Variants in BRME1 observed in about 807,000 individuals in gnomAD.
BRME1 encodes BRCA2 and MEILB2-associating protein 1.
A neutral mutation model predicts 52.6 loss-of-function variants in BRME1; 31 were observed. The observed-to-expected ratio is 0.59, with a 90% CI of 0.44 to 0.80. BRME1 has a LOEUF of 0.80. BRME1 is among the 30% of genes least tolerant of loss of function. The pLI is 0.00. For synonymous variants in BRME1, 359 were observed against 353.6 expected, an observed-to-expected ratio of 1.02 and a Z score of -0.17; for missense variants, 804 against 860.3, an observed-to-expected ratio of 0.93 and a Z score of 0.82.
At position 13,905,777 on chromosome 19, in the gene BRME1, G is replaced by C. The variant is rs1970674197; in HGVS notation, c.-84C>G. The stretch of plus-strand genomic sequence containing the variant: ...TCAGAAACGAGCTCTGCCTGGATCA[G>C]TTGGGAATAAGTCGCTTGAATTATC... On this transcript the variant is annotated 5_prime_UTR_variant, in exon 1 of 9. Transcript: ENST00000586783. The C allele has an allele frequency of 6.6e-6, 1 of 152,226 alleles. No individual in the cohort carries two copies. The highest frequency in any genetic ancestry group is 1.5e-5 in the Non-Finnish European group (1 of 68,040). The allele number at this position is 152,226 out of a possible 1,614,324, so 9.4% of individuals were successfully genotyped here.
chr19:13,886,599 C>T (rs1020639438), intron 6 of BRME1, among the ~76,000 whole-genome samples: 4 of 152,172 alleles, frequency 2.6e-5, no homozygotes, highest in East Asian at 1.9e-4. Flanking sequence ...AGCTTCTAAG[C>T]GTCAATGGTG....
intron 2 of BRME1, 21 bp from the exon 3 acceptor site, chr19:13,895,567 G>T (rs746238593): frequency 1.2e-6 from 2 of 1,602,616 alleles, no homozygotes; most frequent in Non-Finnish European, 1.7e-6. Context: ...GACAGAGGAA[G>T]ATGAAGGGGT....
chr19:13,904,880 T>G lies in BRME1; in HGVS notation c.13A>C (p.Lys5Gln). 6.2e-7 allele frequency: 1 copy of G among 1,613,856 alleles called. No individual in the cohort carries two copies. Among genetic ancestry groups the G allele is most frequent in the Non-Finnish European group, 8.5e-7 (1 of 1,179,856 alleles). Residue 5 changes from lysine (K) to glutamine (Q), a missense_variant, in exon 2 of 9, where the codon AAG becomes CAG. Coordinates refer to ENST00000586783, the MANE Select transcript of BRME1 (RefSeq NM_001345843.2). ...AACGTACCTGAGGTCCGCAGCTTCTTCCTCTTAGTCATTTTATCTTCCCCT... is the reference window on the plus strand; with the variant it reads ...AACGTACCTGAGGTCCGCAGCTTCTGCCTCTTAGTCATTTTATCTTCCCCT... MTKR[K>Q]KLRTSGEGLC...
At chr19:13,889,016 C>T (rs1011238985) in intron 6 of BRME1, among the ~76,000 whole-genome samples, 172 bp downstream of exon 6, 7 of 151,346 alleles carry the variant, frequency 4.6e-5, no homozygotes, top group African/African-American at 1.5e-4. Context: ...GGAAAACCAC[C>T]GACTCCACAC....
rs1351692950 is a variant in BRME1, at chr19:13,895,510, G to A, written c.68C>T (p.Pro23Leu). The A allele has an allele frequency of 1.9e-6, 3 of 1,613,704 alleles. No homozygotes were observed. Among genetic ancestry groups the A allele is most frequent in the Non-Finnish European group, 2.5e-6 (3 of 1,179,870 alleles). Residue 23 changes from proline (P) to leucine (L), a missense_variant, in exon 3 of 9, where the codon CCA becomes CTA. Transcript: ENST00000586783. ...GTCCCCATAGAAGTCTCCTAGCCTT[G>A]GGTTCTTTAGGGGTTTTGGAGGACA... ...GLCPPKPLKN[P>L]RLGDFYGDPQ... is the part of the protein sequence containing the mutation.
chr19:13,885,418 GA>G (rs1487215275), intron 7 of BRME1: 1 of 153,404 alleles, frequency 6.5e-6, no homozygotes, highest in African/African-American at 2.4e-5. Flanking sequence ...TGGTGCGGGG[GA>G]GAGGGTGCCC....
chr19:13,886,835 G>A (rs937472271), intron 6 of BRME1, among the ~76,000 whole-genome samples: 6 of 151,314 alleles, frequency 4.0e-5, no homozygotes, highest in Admixed American at 1.3e-4. Flanking sequence ...ATGGTGGCAC[G>A]CACCTGTGGT....
intron 2 of BRME1, among the ~76,000 whole-genome samples, chr19:13,902,355 T>C (rs8103895): frequency 0.34 from 51,797 of 151,816 alleles, 11,970 homozygotes; most frequent in African/African-American, 0.66. Flanking sequence ...AAGTCTGAGC[T>C]GGGCGCGCTG....
chr19:13,882,935 G>A lies in BRME1; in HGVS notation c.1874C>T (p.Thr625Ile), dbSNP rs1456964058. The A allele has an allele frequency of 3.1e-6, 5 of 1,613,182 alleles. No individual in the cohort carries two copies. Among genetic ancestry groups the A allele is most frequent in the Non-Finnish European group, 4.2e-6 (5 of 1,179,840 alleles). ...CTTGAAAGCTTCCAGGTCCCGGTGG[G>A]TGCCCATGATCAGCCGGCTGTGGGG... ...LSNLNRLIMG[T>I]HRDLEAFKRL... The change falls in exon 9 of 9, where the codon ACC becomes ATC. Residue 625 changes from threonine to isoleucine, a missense_variant. Transcript: ENST00000586783.
chr19:13,894,413 T>G (rs1969734223), intron 3 of BRME1, among the ~76,000 whole-genome samples: 1 of 152,064 alleles, frequency 6.6e-6, no homozygotes, highest in Admixed American at 6.6e-5. Flanking sequence ...TCATCCCAGC[T>G]ACTCAGGAGG....
intron 2 of BRME1, among the ~76,000 whole-genome samples, chr19:13,895,779 T>C: frequency 6.6e-6 from 1 of 152,176 alleles, no homozygotes; most frequent in East Asian, 1.9e-4. Flanking sequence ...CAAGACTAAA[T>C]TATGTACCAT....
In BRME1 at chr19:13,882,400, A is replaced by G; in HGVS notation, c.*402T>C. 3 of 409,028 alleles carry G rather than the reference A, an allele frequency of 7.3e-6. No homozygotes were observed. The allele number at this position is 409,028 out of a possible 1,614,324, so 25.3% of individuals were successfully genotyped here. On this transcript the variant is annotated 3_prime_UTR_variant, in exon 9 of 9. Coordinates refer to ENST00000586783, the MANE Select transcript of BRME1 (RefSeq NM_001345843.2). ...TATGGGTCTTCCCAGAAGAAATAAA[A>G]TGGAAATGGGGAGAAAGAAAACAAA... is the stretch of plus-strand genomic sequence containing the variant.
chr19:13,893,002 C>T (rs528082367), intron 4 of BRME1, 112 bp from the exon 5 acceptor site: 1 of 1,360,728 alleles, frequency 7.3e-7, no homozygotes, highest in African/African-American at 1.4e-5. Context: ...GAGAACTCCA[C>T]CCTTGCCCTC....
chr19:13,895,398 C>G lies in BRME1; in HGVS notation c.180G>C (p.Gly60=). 6.2e-7 allele frequency: 1 copy of G among 1,613,624 alleles called. No individual in the cohort carries two copies. Among genetic ancestry groups the G allele is most frequent in the Non-Finnish European group, 8.5e-7 (1 of 1,179,920 alleles). ...TGGAGACGGCCTTTCCTGGTTCCTC[C>G]CCGTGCTGCTGTGTAGAGGGAACAG... ...LGPVPSTQQH[G]EEPGKAVSSS... The change falls in exon 3 of 9, where the codon GGG becomes GGC. Residue 60 remains glycine (G), a synonymous_variant. Transcript: ENST00000586783.
intron 7 of BRME1, among the ~76,000 whole-genome samples, chr19:13,884,310 G>A (rs1460287130): frequency 1.3e-5 from 2 of 151,790 alleles, no homozygotes; most frequent in African/African-American, 2.4e-5. Flanking sequence ...CACCAGCCTG[G>A]GCAACAGAGC....
chr19:13,895,128 C>A (rs529574816), intron 3 of BRME1, among the ~76,000 whole-genome samples: 2 of 152,142 alleles, frequency 1.3e-5, no homozygotes, highest in African/African-American at 4.8e-5. Flanking sequence ...ATCTTCCCCC[C>A]TCGGCCTCCC....
In BRME1 at chr19:13,889,864, C is replaced by G; in HGVS notation, c.992G>C (p.Cys331Ser). The G allele has an allele frequency of 1.9e-6, 3 of 1,613,254 alleles. 1 individual carries two copies. In the South Asian group the frequency reaches 3.3e-5, roughly 18 times the overall value. The change falls in exon 6 of 9, where the codon TGC becomes TCC. Residue 331 changes from cysteine to serine, a missense_variant. Physicochemically the swap from Cys to Ser is moderately radical, Grantham distance 112. Transcript: ENST00000586783. ...EGEGTHSSLGCSSLGMVVIAD... is the reference protein window; with the variant it reads ...EGEGTHSSLGSSSLGMVVIAD... ...GATGACAACCATCCCGAGGGAGGAG[C>G]ATCCCAGGCTGCTATGAGTCCCTTC...
chr19:13,887,851 A>C (rs4414603), intron 6 of BRME1, among the ~76,000 whole-genome samples: 51,493 of 150,414 alleles, frequency 0.34, 11,873 homozygotes, highest in African/African-American at 0.66. Context: ...GCAACCTCAA[A>C]CTCCTGGGCT....
At chr19:13,892,725 G>A (rs181019371) in intron 5 of BRME1, 61 bp downstream of exon 5, 30 of 1,407,482 alleles carry the variant, frequency 2.1e-5, no homozygotes, top group Admixed American at 1.2e-4. Flanking sequence ...TGGGGCTGCC[G>A]AGGCTGGGCC....
Sources: allele counts gnomAD v4.1 joint callset (sites outside exome capture counted in the v4.1 genomes callset), GRCh38; gene constraint gnomAD v4.1.1; transcripts MANE v1.5; gene names NCBI Gene and HGNC (gene_info 2026-07-23, HGNC 2026-07-21).